The following TACR1 variants were observed in gnomAD, a reference collection of about 807,000 sequenced individuals.
TACR1 encodes substance-P receptor.
A neutral mutation model predicts 35.8 loss-of-function variants in TACR1; 25 were observed. The observed-to-expected ratio is 0.70, with a 90% CI of 0.51 to 0.98. The LOEUF is 0.98. Among genes scored for constraint, TACR1 ranks in the 50% least tolerant of loss-of-function variants. The probability of loss-of-function intolerance (pLI) is 0.00; values close to 1 mark genes in which losing one functional copy is unlikely to be tolerated. For synonymous variants in TACR1, 195 were observed against 206.7 expected (o/e 0.94, Z 0.48); for missense variants, 478 against 522.9 (o/e 0.91, Z 0.84).
chr2:75,137,123 A>G (rs1674308032), intron 1 of TACR1, among the ~76,000 whole-genome samples: 1 of 152,044 alleles, frequency 6.6e-6, no homozygotes, highest in Admixed American at 6.6e-5. Context: ...GGTGCATGGG[A>G]CCTCAGTGAG....
At chr2:75,085,598 G>C (rs1450904378) in intron 2 of TACR1, among the ~76,000 whole-genome samples, 1 of 152,144 alleles carries the variant, frequency 6.6e-6, no homozygotes, top group African/African-American at 2.4e-5. Context: ...AGGATTTGAG[G>C]AGGTGGGATC....
chr2:75,098,340 G>C (rs544358311), intron 2 of TACR1, among the ~76,000 whole-genome samples: 2 of 152,120 alleles, frequency 1.3e-5, no homozygotes, highest in Non-Finnish European at 2.9e-5. Context: ...ATTTGTCCTA[G>C]ATGTTTTCAT....
At chr2:75,094,859 A>ATATTTT in intron 2 of TACR1, among the ~76,000 whole-genome samples, 2 of 113,132 alleles carry the variant, frequency 1.8e-5, no homozygotes, top group Non-Finnish European at 3.3e-5. Context: ...ATATATATAT[A>ATATTTT]TTTTTTTTTT....
chr2:75,054,401 G>A (rs1234885609), intron 2 of TACR1, among the ~76,000 whole-genome samples: 2 of 152,228 alleles, frequency 1.3e-5, no homozygotes, highest in Non-Finnish European at 2.9e-5. Flanking sequence ...AAGCCACATA[G>A]CATAAGCCAT....
At chr2:75,168,447 G>A (rs965551507) in intron 1 of TACR1, among the ~76,000 whole-genome samples, 2 of 152,226 alleles carry the variant, frequency 1.3e-5, no homozygotes, top group Non-Finnish European at 2.9e-5. Flanking sequence ...AGGCATGGTA[G>A]CAGCTGAATG....
chr2:75,055,580 C>T (rs919032785), intron 2 of TACR1, among the ~76,000 whole-genome samples: 1 of 152,238 alleles, frequency 6.6e-6, no homozygotes, highest in Non-Finnish European at 1.5e-5. Context: ...CTGACTTCTC[C>T]TACCTGAAAG....
rs1381698702 is a variant in TACR1, at chr2:75,094,867, T to A, written c.584+25707A>T. On this transcript the variant is annotated intron_variant, in intron 2 of 4. Transcript: ENST00000305249. ...TATATATATATATATATATTTTTTTTTTTTTTGCCCAAGATGGCAAAGAGA... is the reference window on the plus strand; with the variant it reads ...TATATATATATATATATATTTTTTTATTTTTTGCCCAAGATGGCAAAGAGA... 4.4e-5 allele frequency among the ~76,000 whole-genome samples: 5 copies of A among 114,660 alleles called. No individual in the cohort carries two copies. The East Asian group carries it at 8.6e-4, about 20-fold the overall frequency. 75.2% of individuals were successfully genotyped at this position (114,660 alleles called of 152,430 possible). A position where few individuals can be genotyped will look rare whatever the true frequency, so the allele number is the denominator to read the frequency against.
chr2:75,089,798 C>T (rs1406974636), intron 2 of TACR1, among the ~76,000 whole-genome samples: 1 of 152,082 alleles, frequency 6.6e-6, no homozygotes, highest in Non-Finnish European at 1.5e-5. Flanking sequence ...GGAATCTGGG[C>T]TTGAAGGTCT....
At chr2:75,157,646 T>G (rs1276753191) in intron 1 of TACR1, among the ~76,000 whole-genome samples, 1 of 152,054 alleles carries the variant, frequency 6.6e-6, no homozygotes, top group East Asian at 1.9e-4. Context: ...GGAAGAGGAG[T>G]GCCCTGTCCT....
At chr2:75,117,716 T>C (rs6737771) in intron 2 of TACR1, among the ~76,000 whole-genome samples, 106,666 of 152,112 alleles carry the variant, frequency 0.7, 38,231 homozygotes, top group African/African-American at 0.85. Context: ...TTAGCCTGGT[T>C]TACCTTACAT....
intron 1 of TACR1, chr2:75,187,227 T>A (rs1436638352): frequency 6.6e-6 from 1 of 152,228 alleles, no homozygotes; most frequent in Non-Finnish European, 1.5e-5. Flanking sequence ...TCAAAACAAT[T>A]AGTGACTTAT....
chr2:75,198,953 A>G lies in TACR1; in HGVS notation c.-19T>C, dbSNP rs1022055452. 1 of 1,610,044 alleles carries G rather than the reference A, an allele frequency of 6.2e-7. No individual in the cohort carries two copies. The highest frequency in any genetic ancestry group is 8.5e-7 in the Non-Finnish European group (1 of 1,178,702). Reference sequence around the variant, plus strand: ...TATCCATTTCGAAGCTAGGCGGTAAAGCCCTACTATCTGTACACAACCCCC... The same window carrying G: ...TATCCATTTCGAAGCTAGGCGGTAAGGCCCTACTATCTGTACACAACCCCC... On this transcript the variant is annotated 5_prime_UTR_variant, in exon 1 of 5. Transcript: ENST00000305249.
rs80128441 is a variant in TACR1 at position 75,097,624 on chromosome 2, C to T, written c.584+22950G>A. 2.7e-4 allele frequency among the ~76,000 whole-genome samples: 41 copies of T among 152,264 alleles called. No homozygotes were observed. The East Asian group carries it at 3.3e-3, about 12-fold the overall frequency. On this transcript the variant is annotated intron_variant, in intron 2 of 4. Transcript: ENST00000305249. ...TGGGAGGCTAAGCCAGTCTCAGGCA[C>T]CCTTCCTATTCTCAGTCTTGGGGTG...
rs540074894 is a variant in TACR1, at chr2:75,056,190, G to C, written c.585-2435C>G. Among the ~76,000 whole-genome samples the C allele has an allele frequency of 8.5e-5, 13 of 152,290 alleles. No individual in the cohort carries two copies. In the South Asian group the frequency reaches 2.3e-3, roughly 27 times the overall value. On this transcript the variant is annotated intron_variant, in intron 2 of 4. Transcript: ENST00000305249. ...AAGTGTGTATTAACTGTGTTTTCTG[G>C]TTCTGTATCTGATACTTTGGCATCT...
intron 1 of TACR1, among the ~76,000 whole-genome samples, chr2:75,165,115 G>A (rs1195968715): frequency 6.6e-6 from 1 of 152,142 alleles, no homozygotes; most frequent in Non-Finnish European, 1.5e-5. Context: ...GAAGCTAGAC[G>A]AGGGTTTGGA....
At chr2:75,066,293 G>T (rs944760367) in intron 2 of TACR1, among the ~76,000 whole-genome samples, 27 of 152,118 alleles carry the variant, frequency 1.8e-4, no homozygotes, top group African/African-American at 6.5e-4. Context: ...AGTCACTCAG[G>T]GTTGAAATGG....
rs1430463764 is a variant in TACR1, at chr2:75,174,741, A to G, written c.389+23805T>C. On this transcript the variant is annotated intron_variant, in intron 1 of 4. Coordinates refer to ENST00000305249, the MANE Select transcript of TACR1 (RefSeq NM_001058.4). Reference sequence around the variant, plus strand: ...CATAGCAATGGAGAGTGAAAGGAGAATCACTTCTATTTCCATTTCAATTGT... The same window carrying G: ...CATAGCAATGGAGAGTGAAAGGAGAGTCACTTCTATTTCCATTTCAATTGT... 3.9e-5 allele frequency among the ~76,000 whole-genome samples: 6 copies of G among 152,304 alleles called. No individual in the cohort carries two copies. In the South Asian group the frequency reaches 1.2e-3, roughly 32 times the overall value.
At chr2:75,124,289 TG>T (rs1438256940) in intron 1 of TACR1, among the ~76,000 whole-genome samples, 1 of 152,226 alleles carries the variant, frequency 6.6e-6, no homozygotes, top group Non-Finnish European at 1.5e-5. Context: ...AATCTTATTG[TG>T]AAAAGGAATT....
intron 1 of TACR1, among the ~76,000 whole-genome samples, chr2:75,155,227 T>C (rs1337430076): frequency 1.3e-5 from 2 of 152,176 alleles, no homozygotes; most frequent in African/African-American, 4.8e-5. Flanking sequence ...GCTCCTAACG[T>C]AGTTCTCCTC....
Sources: allele counts gnomAD v4.1 joint callset (sites outside exome capture counted in the v4.1 genomes callset), GRCh38; gene constraint gnomAD v4.1.1; transcripts MANE v1.5; gene names NCBI Gene and HGNC (gene_info 2026-07-23, HGNC 2026-07-21).